Variants in CBFA2T3 observed in about 807,000 individuals in gnomAD.
CBFA2T3 encodes transcriptional corepressor CBFA2T3.
A neutral mutation model predicts 58.6 loss-of-function variants in CBFA2T3; 31 were observed. The ratio of observed to expected loss-of-function variants is 0.53; its 90% CI spans 0.40 to 0.71. The LOEUF (loss-of-function observed/expected upper bound fraction) is 0.71. Ranked by LOEUF, CBFA2T3 falls within the 30% of genes least tolerant of loss-of-function variation. CBFA2T3 has a pLI of 0.00. For missense variants in CBFA2T3, 1,076 were observed against 963.1 expected (o/e 1.12, Z -1.55); for synonymous variants, 531 against 421.9 (o/e 1.26, Z -3.17).
rs1968817848 is a variant in CBFA2T3, at chr16:88,875,977, C to T, written c.*999G>A. 3 of 233,100 alleles carry T rather than the reference C, an allele frequency of 1.3e-5. No homozygotes were observed. In the South Asian group the frequency reaches 5.4e-4, roughly 42 times the overall value. The allele number at this position is 233,100 out of a possible 1,614,324, so 14.4% of individuals were successfully genotyped here. Reference sequence around the variant, plus strand: ...CCTACGCAGAAGAGAACAAAAGTCGCTTCTAACTGGGCACAAACCCTCTGC... The same window carrying T: ...CCTACGCAGAAGAGAACAAAAGTCGTTTCTAACTGGGCACAAACCCTCTGC... On this transcript the variant is annotated 3_prime_UTR_variant, in exon 12 of 12. Coordinates refer to ENST00000268679, the MANE Select transcript of CBFA2T3 (RefSeq NM_005187.6).
At chr16:88,931,325 G>C (rs1490836227) in intron 1 of CBFA2T3, among the ~76,000 whole-genome samples, 1 of 152,152 alleles carries the variant, frequency 6.6e-6, no homozygotes, top group Non-Finnish European at 1.5e-5. Flanking sequence ...GGCCCAGAAG[G>C]CTGCTGGCTG....
intron 1 of CBFA2T3, chr16:88,936,774 G>C (rs1425521583): frequency 6.6e-6 from 1 of 152,304 alleles, no homozygotes; most frequent in African/African-American, 2.4e-5. Flanking sequence ...ACAAAAAGCA[G>C]AAGTCTGAAC....
At chr16:88,949,736 C>T (rs752891989) in intron 1 of CBFA2T3, among the ~76,000 whole-genome samples, 59 of 152,032 alleles carry the variant, frequency 3.9e-4, no homozygotes, top group Admixed American at 7.2e-4. Context: ...AGGGACCAGA[C>T]ACAGTAGCTC....
In CBFA2T3 at chr16:88,923,045, G is replaced by A. The variant is rs868502318; in HGVS notation, c.152-21389C>T. On this transcript the variant is annotated intron_variant, in intron 1 of 11. Transcript: ENST00000268679. Reference sequence around the variant, plus strand: ...CAGGCCCCCAGCGCCCTCACCTAGCGCACCCCAGCTGCCTGCTCCCACCAG... The same window carrying A: ...CAGGCCCCCAGCGCCCTCACCTAGCACACCCCAGCTGCCTGCTCCCACCAG... 3.9e-5 allele frequency among the ~76,000 whole-genome samples: 6 copies of A among 152,288 alleles called. No homozygotes were observed. The Middle Eastern group carries it at 0.01, about 259-fold the overall frequency.
At chr16:88,945,369 G>C (rs1945656447) in intron 1 of CBFA2T3, among the ~76,000 whole-genome samples, 2 of 152,214 alleles carry the variant, frequency 1.3e-5, no homozygotes, top group Admixed American at 1.3e-4. Flanking sequence ...TGAAGAGAAT[G>C]AAAAGACAGG....
chr16:88,932,842 G>A (rs1305450350), intron 1 of CBFA2T3, among the ~76,000 whole-genome samples: 1 of 147,948 alleles, frequency 6.8e-6, no homozygotes, highest in African/African-American at 2.5e-5. Flanking sequence ...AGTGGTGTGT[G>A]GCTGTAATCC....
intron 1 of CBFA2T3, chr16:88,939,563 CCAGGCACGGTG>C (rs1971634335): frequency 6.6e-6 from 1 of 152,314 alleles, no homozygotes; most frequent in Admixed American, 6.5e-5. Flanking sequence ...CATGGCTTTT[CCAGGCACGGTG>C]CTGTCGGCCG....
chr16:88,884,064 G>C (rs501340), intron 7 of CBFA2T3: 151,992 of 152,392 alleles, frequency 1, 75,796 homozygotes, highest in Middle Eastern at 1. Flanking sequence ...GCAGCTGGCA[G>C]CAACACCCCA....
Position 88,879,381 on chromosome 16 carries a change from G to C in CBFA2T3, c.1551C>G (p.His517Gln). 1.9e-6 allele frequency: 3 copies of C among 1,612,966 alleles called. No individual in the cohort carries two copies. The highest frequency in any genetic ancestry group is 2.5e-6 in the Non-Finnish European group (3 of 1,179,792). Residue 517 changes from histidine to glutamine, a missense_variant, in exon 11 of 12, where the codon CAC becomes CAG. His to Gln is a conservative substitution (Grantham distance 24). Transcript: ENST00000268679. ...TGGCACGCTCCGTGGTGATGAGCTC[G>C]TGCGCTTTGCGCTCCGCGTCCGACA... The part of the protein sequence containing the change: ...KAVSDAERKA[H>Q]ELITTERAKM...
In CBFA2T3 at chr16:88,885,821, T is replaced by C; in HGVS notation, c.893+140A>G. On this transcript the variant is annotated intron_variant, in intron 6 of 11. Coordinates refer to ENST00000268679, the MANE Select transcript of CBFA2T3 (RefSeq NM_005187.6). The surrounding 1 kb of genome is among the most constrained non-coding windows in gnomAD (Gnocchi z 5.3). ...CCAAGCCTGCTGGCCCTAGTACACCTCGCCACGCTCCCTCAGCCCGAGAGA... is the reference window on the plus strand; with the variant it reads ...CCAAGCCTGCTGGCCCTAGTACACCCCGCCACGCTCCCTCAGCCCGAGAGA... 1 of 726,798 alleles carries C rather than the reference T, an allele frequency of 1.4e-6. No homozygotes were observed. The highest frequency in any genetic ancestry group is 2.2e-6 in the Non-Finnish European group (1 of 445,048). The allele number at this position is 726,798 out of a possible 1,614,324, so 45.0% of individuals were successfully genotyped here.
At chr16:88,932,427 G>A (rs1315825252) in intron 1 of CBFA2T3, among the ~76,000 whole-genome samples, 1 of 151,856 alleles carries the variant, frequency 6.6e-6, no homozygotes, top group African/African-American at 2.4e-5. Context: ...TTGAGCCCAG[G>A]AGCTTGAGAC....
At chr16:88,887,932 C>T (rs532119559) in intron 5 of CBFA2T3, among the ~76,000 whole-genome samples, 1 of 152,266 alleles carries the variant, frequency 6.6e-6, no homozygotes, top group Non-Finnish European at 1.5e-5. Flanking sequence ...TCGCGGACTC[C>T]GCTGCTCTGC....
At chr16:88,877,363 C>T in intron 11 of CBFA2T3, 88 bp from the exon 12 acceptor site, 3 of 1,045,758 alleles carry the variant, frequency 2.9e-6, no homozygotes, top group Non-Finnish European at 4.1e-6. Flanking sequence ...CAGACCCAGC[C>T]ACGTCATCAC....
chr16:88,935,570 GCT>G (rs1971469844), intron 1 of CBFA2T3, among the ~76,000 whole-genome samples: 7 of 152,376 alleles, frequency 4.6e-5, no homozygotes, highest in South Asian at 2.1e-4. Context: ...AAGCTTGCAG[GCT>G]GTCCTCGCGT....
At chr16:88,965,470 G>C (rs1474159645) in intron 1 of CBFA2T3, among the ~76,000 whole-genome samples, 1 of 152,232 alleles carries the variant, frequency 6.6e-6, no homozygotes, top group Non-Finnish European at 1.5e-5. Flanking sequence ...CTTTGGTTTA[G>C]AAGGATACTT....
chr16:88,970,754 G>C (rs371727562), intron 1 of CBFA2T3, among the ~76,000 whole-genome samples: 1 of 152,228 alleles, frequency 6.6e-6, no homozygotes, highest in African/African-American at 2.4e-5. Context: ...ACGCCTTCCA[G>C]GGCTCAGCAC....
chr16:88,898,817 G>A (rs984671304), intron 2 of CBFA2T3, among the ~76,000 whole-genome samples: 7 of 152,180 alleles, frequency 4.6e-5, no homozygotes, highest in African/African-American at 1.7e-4. Flanking sequence ...GAGCCCAGGA[G>A]TTCAAGACCA....
chr16:88,879,065 G>A (rs576629892), intron 11 of CBFA2T3, among the ~76,000 whole-genome samples: 57 of 152,340 alleles, frequency 3.7e-4, no homozygotes, highest in Non-Finnish European at 6.9e-4. Flanking sequence ...TACAGAACGG[G>A]GACATCCATA....
In CBFA2T3 at chr16:88,976,667, C is replaced by T; in HGVS notation, c.141G>A (p.Lys47=). The T allele has an allele frequency of 6.4e-7, 1 of 1,562,686 alleles. No individual in the cohort carries two copies. Among genetic ancestry groups the T allele is most frequent in the Non-Finnish European group, 8.7e-7 (1 of 1,153,426 alleles). ...CCTCGAGCCTCTTACCTGGGCCGCC[C>T]TTCCTGGGACCCCGGGGTGCGGAGC... ...AGCSAPRGPR[K]GGPAPVDRKA... The change falls in exon 1 of 12, where the codon AAG becomes AAA. Residue 47 remains lysine (K), a synonymous_variant. Coordinates refer to ENST00000268679, the MANE Select transcript of CBFA2T3 (RefSeq NM_005187.6).
Sources: allele counts gnomAD v4.1 joint callset (sites outside exome capture counted in the v4.1 genomes callset), GRCh38; gene constraint gnomAD v4.1.1; non-coding constraint Gnocchi (gnomAD v3.1); transcripts MANE v1.5; gene names NCBI Gene and HGNC (gene_info 2026-07-23, HGNC 2026-07-21).